PLEKHG7: variants seen among roughly 807,000 people sequenced by gnomAD.
PLEKHG7 encodes the protein pleckstrin homology and RhoGEF domain containing G7, also known as pleckstrin homology domain-containing family G member 7.
PLEKHG7 carries 77 observed loss-of-function variants against 85.2 expected under a neutral mutation model. That is an observed-to-expected ratio of 0.90 (90% CI 0.75 to 1.09). The LOEUF (loss-of-function observed/expected upper bound fraction) is 1.09. PLEKHG7 is among the 50% of genes least tolerant of loss of function. PLEKHG7 has a pLI of 0.00. For missense variants in PLEKHG7, 777 were observed against 804.3 expected, an observed-to-expected ratio of 0.97 and a Z score of 0.41; for synonymous variants, 301 against 302.4, an observed-to-expected ratio of 1.00 and a Z score of 0.05.
intron 7 of PLEKHG7, among the ~76,000 whole-genome samples, chr12:92,738,199 C>A (rs112475360): frequency 0.016 from 2,462 of 152,282 alleles, 69 homozygotes; most frequent in African/African-American, 0.055. Flanking sequence ...GTAAATAGCA[C>A]CCCTATGGTC....
intron 3 of PLEKHG7, among the ~76,000 whole-genome samples, chr12:92,714,696 T>C (rs909058641): frequency 6.6e-6 from 1 of 152,194 alleles, no homozygotes; most frequent in African/African-American, 2.4e-5. Context: ...CCAGCTTTGT[T>C]ATGTTCCTTG....
chr12:92,737,272 T>G, intron 6 of PLEKHG7, 106 bp from the exon 7 acceptor site: 1 of 1,017,832 alleles, frequency 9.8e-7, no homozygotes, highest in Non-Finnish European at 1.3e-6. Flanking sequence ...AAATCATGAT[T>G]TCGGGGGTTG....
intron 8 of PLEKHG7, 74 bp from the exon 9 acceptor site, chr12:92,741,417 T>G (rs992278682): frequency 1.1e-6 from 1 of 927,714 alleles, no homozygotes; most frequent in Non-Finnish European, 1.6e-6. Flanking sequence ...AGAATGATAC[T>G]TGAAGTTCAA....
intron 4 of PLEKHG7, among the ~76,000 whole-genome samples, chr12:92,730,482 T>C (rs1293735897): frequency 2.0e-5 from 3 of 152,044 alleles, no homozygotes; most frequent in African/African-American, 7.2e-5. Flanking sequence ...ACTCTGGGGG[T>C]GGTGTCCAGC....
chr12:92,735,848 T>G (rs1015619523), intron 5 of PLEKHG7, among the ~76,000 whole-genome samples: 2 of 148,862 alleles, frequency 1.3e-5, no homozygotes, highest in African/African-American at 2.6e-5. Flanking sequence ...TCATGCTTTT[T>G]TTTGTTTGTT....
chr12:92,737,599 A>C lies in PLEKHG7; in HGVS notation c.939+78A>C, dbSNP rs1872197225. The C allele has an allele frequency of 5.2e-6, 7 of 1,355,376 alleles. No individual in the cohort carries two copies. In the East Asian group the frequency reaches 1.6e-4, roughly 32 times the overall value. 84.0% of individuals were successfully genotyped at this position (1,355,376 alleles called of 1,614,324 possible). ...TGGGCACTTGTTTTCCTCTTCTGAAAGAAATAAAGAAAAGAAAGAGAGAAA... is the reference window on the plus strand; with the variant it reads ...TGGGCACTTGTTTTCCTCTTCTGAACGAAATAAAGAAAAGAAAGAGAGAAA... On this transcript the variant is annotated intron_variant, in intron 7 of 16. Transcript: ENST00000344636.
chr12:92,759,815 A>C (rs1259910123), intron 13 of PLEKHG7, among the ~76,000 whole-genome samples: 2 of 152,170 alleles, frequency 1.3e-5, no homozygotes, highest in African/African-American at 2.4e-5. Flanking sequence ...CTGGCTGTTC[A>C]CAGGTCTAGT....
chr12:92,766,705 C>T (rs940821561), intron 15 of PLEKHG7, among the ~76,000 whole-genome samples: 1 of 152,062 alleles, frequency 6.6e-6, no homozygotes, highest in Non-Finnish European at 1.5e-5. Context: ...TGGCACACAC[C>T]TGTAATTCCA....
chr12:92,703,838 C>T (rs993708908), intron 1 of PLEKHG7, among the ~76,000 whole-genome samples: 1 of 152,332 alleles, frequency 6.6e-6, no homozygotes, highest in Non-Finnish European at 1.5e-5. Flanking sequence ...TAAATAACTT[C>T]CTACCAGCAG....
intron 1 of PLEKHG7, among the ~76,000 whole-genome samples, chr12:92,704,910 A>G: frequency 6.6e-6 from 1 of 152,188 alleles, no homozygotes; most frequent in Non-Finnish European, 1.5e-5. Flanking sequence ...AGAGTCAGGG[A>G]GTAAAATAAG....
intron 10 of PLEKHG7, among the ~76,000 whole-genome samples, chr12:92,752,245 T>G (rs2136618562): frequency 6.6e-6 from 1 of 152,216 alleles, no homozygotes; most frequent in East Asian, 1.9e-4. Context: ...GGCTGTGTAT[T>G]TGACCCCTCT....
At chr12:92,754,765 G>A (rs752132103) in intron 11 of PLEKHG7, among the ~76,000 whole-genome samples, 36 of 152,126 alleles carry the variant, frequency 2.4e-4, no homozygotes, top group Non-Finnish European at 3.5e-4. Context: ...GATGACTTAA[G>A]TTTATTTGTG....
rs1246053456 is a variant in PLEKHG7, at chr12:92,732,216, T to C, written c.659-17T>C. ...TCTAAGTACTCGTAATAATATATTG[T>C]CTTTAATTTCACCCAGAATCCAAAA... On this transcript the variant is annotated splice_polypyrimidine_tract_variant and intron_variant, in intron 4 of 16. Transcript: ENST00000344636. The C allele has an allele frequency of 8.2e-7, 1 of 1,225,648 alleles. No individual in the cohort carries two copies. Among genetic ancestry groups the C allele is most frequent in the Non-Finnish European group, 1.0e-6 (1 of 982,234 alleles). The allele number at this position is 1,225,648 out of a possible 1,614,324, so 75.9% of individuals were successfully genotyped here.
chr12:92,754,718 A>G (rs984253724), intron 11 of PLEKHG7, among the ~76,000 whole-genome samples: 14 of 152,134 alleles, frequency 9.2e-5, no homozygotes, highest in Non-Finnish European at 2.9e-5. Flanking sequence ...GCAATCTTTA[A>G]ACTGAAATTT....
In PLEKHG7 at chr12:92,761,628, AAGAAAGAAAGAAAGAAAG is replaced by A. The variant is rs1436786198; in HGVS notation, c.1637-122_1637-105del. The A allele has an allele frequency of 4.5e-4, 47 of 104,720 alleles. No individual in the cohort carries two copies. In the African/African-American group the frequency reaches 0.01, roughly 23 times the overall value. The allele number at this position is 104,720 out of a possible 1,614,324, so 6.5% of individuals were successfully genotyped here. On this transcript the variant is annotated intron_variant, in intron 13 of 16. Transcript: ENST00000344636. ...AAGAAAAAGAAAGAAAGAAAGAAGA[AAGAAAGAAAGAAAGAAAG>A]AAAGAAAGAAAGAAAGAAAGAAAGA...
chr12:92,723,075 T>C (rs1871690307), intron 3 of PLEKHG7, among the ~76,000 whole-genome samples: 1 of 152,190 alleles, frequency 6.6e-6, no homozygotes, highest in African/African-American at 2.4e-5. Context: ...AAAGTACAGC[T>C]AGGCAGGCAG....
intron 9 of PLEKHG7, among the ~76,000 whole-genome samples, chr12:92,742,368 A>C (rs1474461177): frequency 6.6e-6 from 1 of 152,178 alleles, no homozygotes. Context: ...GGGGAAAAGG[A>C]GTAACATAAA....
intron 3 of PLEKHG7, among the ~76,000 whole-genome samples, chr12:92,727,773 T>A (rs1054420142): frequency 6.6e-6 from 1 of 151,828 alleles, no homozygotes; most frequent in Non-Finnish European, 1.5e-5. Context: ...TTTTTTTTAG[T>A]GGAGACAGGG....
chr12:92,741,885 G>A (rs965109633), intron 9 of PLEKHG7, among the ~76,000 whole-genome samples: 4 of 152,186 alleles, frequency 2.6e-5, no homozygotes, highest in South Asian at 2.1e-4. Context: ...CAACATTCAC[G>A]GCAATAGTTT....
Sources: allele counts gnomAD v4.1 joint callset (sites outside exome capture counted in the v4.1 genomes callset), GRCh38; gene constraint gnomAD v4.1.1; transcripts MANE v1.5; gene names NCBI Gene and HGNC (gene_info 2026-07-23, HGNC 2026-07-21).